The following RIMS2 variants were observed in gnomAD, a reference collection of about 807,000 sequenced individuals.
The protein encoded by RIMS2 is regulating synaptic membrane exocytosis 2.
Under a neutral mutation model 174.4 loss-of-function variants are expected in RIMS2, and 59 were observed. That is an observed-to-expected ratio of 0.34 (90% CI 0.27 to 0.42). RIMS2 has a LOEUF of 0.42. Ranked by LOEUF, RIMS2 falls within the 10% of genes least tolerant of loss-of-function variation. The pLI is 1.00. For synonymous variants in RIMS2, 606 were observed against 572.5 expected, an observed-to-expected ratio of 1.06 and a Z score of -0.84; for missense variants, 1,620 against 1,666.3, an observed-to-expected ratio of 0.97 and a Z score of 0.48.
intron 3 of RIMS2, among the ~76,000 whole-genome samples, chr8:103,797,932 C>T (rs894795747): frequency 6.6e-6 from 1 of 152,006 alleles, no homozygotes; most frequent in African/African-American, 2.4e-5. Context: ...CAAAAGTATC[C>T]TGGGGTTGAC....
At chr8:103,629,884 A>T (rs1191383046) in intron 1 of RIMS2, among the ~76,000 whole-genome samples, 1 of 152,118 alleles carries the variant, frequency 6.6e-6, no homozygotes, top group Non-Finnish European at 1.5e-5. Context: ...TAACAAATGA[A>T]CCATCTTGGA....
chr8:103,659,847 A>C (rs2096575922), intron 1 of RIMS2, among the ~76,000 whole-genome samples: 1 of 152,228 alleles, frequency 6.6e-6, no homozygotes, highest in Non-Finnish European at 1.5e-5. Context: ...CCAAAAAATC[A>C]ACAAGTTGTA....
chr8:103,581,622 C>A (rs1360089526), intron 1 of RIMS2, among the ~76,000 whole-genome samples: 1 of 152,050 alleles, frequency 6.6e-6, no homozygotes, highest in Non-Finnish European at 1.5e-5. Context: ...AAGTCCTGGC[C>A]AGAGCAATTA....
At chr8:104,228,753 C>G (rs1268189959) in intron 19 of RIMS2, among the ~76,000 whole-genome samples, 1 of 152,170 alleles carries the variant, frequency 6.6e-6, no homozygotes, top group Non-Finnish European at 1.5e-5. Context: ...CATGGATAGA[C>G]AGTTACTATG....
intron 3 of RIMS2, among the ~76,000 whole-genome samples, chr8:103,815,552 T>C (rs560468078): frequency 2.0e-5 from 3 of 152,318 alleles, no homozygotes; most frequent in Non-Finnish European, 2.9e-5. Flanking sequence ...TAATAGTTAA[T>C]GTCTCTCTGC....
chr8:103,715,333 G>GC (rs1008995667), intron 2 of RIMS2, among the ~76,000 whole-genome samples: 2 of 151,828 alleles, frequency 1.3e-5, no homozygotes, highest in African/African-American at 4.8e-5. Flanking sequence ...CCTACTGCCT[G>GC]CCCCCGACCA....
At chr8:104,021,349 A>G (rs2096081494) in intron 19 of RIMS2, among the ~76,000 whole-genome samples, 1 of 152,194 alleles carries the variant, frequency 6.6e-6, no homozygotes, top group Non-Finnish European at 1.5e-5. Flanking sequence ...ATAAACATTT[A>G]AATGACTTCT....
chr8:104,060,206 CT>C (rs1280700455), intron 19 of RIMS2, among the ~76,000 whole-genome samples: 1 of 149,426 alleles, frequency 6.7e-6, no homozygotes, highest in Admixed American at 6.7e-5. Context: ...GTCCTGGACT[CT>C]TTTTGGTTGG....
chr8:104,060,207 T>C (rs993648636), intron 19 of RIMS2, among the ~76,000 whole-genome samples: 8 of 151,578 alleles, frequency 5.3e-5, no homozygotes, highest in African/African-American at 1.7e-4. Flanking sequence ...TCCTGGACTC[T>C]TTTTGGTTGG....
At chr8:103,583,969 T>TTA (rs988798043) in intron 1 of RIMS2, among the ~76,000 whole-genome samples, 60 of 152,076 alleles carry the variant, frequency 3.9e-4, no homozygotes, top group African/African-American at 1.4e-3. Flanking sequence ...TACAAGAAGG[T>TTA]TATAGAACTA....
At chr8:103,590,816 C>G (rs2094215969) in intron 1 of RIMS2, among the ~76,000 whole-genome samples, 1 of 151,098 alleles carries the variant, frequency 6.6e-6, no homozygotes, top group Admixed American at 6.6e-5. Context: ...TTGAATGTAT[C>G]AGATAAATTT....
intron 1 of RIMS2, among the ~76,000 whole-genome samples, chr8:103,688,273 A>G (rs375623308): frequency 9.0e-4 from 137 of 152,126 alleles, no homozygotes; most frequent in African/African-American, 3.2e-3. Context: ...TATTTCTTGT[A>G]TACCTAATTT....
chr8:104,223,822 G>C, intron 19 of RIMS2: 19 of 1,572,762 alleles, frequency 1.2e-5, no homozygotes, highest in Non-Finnish European at 1.6e-5. Context: ...CGTAGTTGGT[G>C]TCTCTATCTG....
chr8:103,769,706 G>A (rs2098227664), intron 3 of RIMS2, among the ~76,000 whole-genome samples: 1 of 152,194 alleles, frequency 6.6e-6, no homozygotes, highest in Admixed American at 6.5e-5. Context: ...TCACTCACAA[G>A]TACTGGCCTG....
intron 1 of RIMS2, among the ~76,000 whole-genome samples, chr8:103,514,900 AAAC>A (rs760555689): frequency 2.7e-5 from 4 of 149,918 alleles, no homozygotes; most frequent in East Asian, 3.9e-4. Context: ...TCTGTCTCAA[AAAC>A]AACAACAACA....
At chr8:103,658,011 C>T (rs2136000919) in intron 1 of RIMS2, among the ~76,000 whole-genome samples, 1 of 152,320 alleles carries the variant, frequency 6.6e-6, no homozygotes, top group African/African-American at 2.4e-5. Flanking sequence ...CATTTGTTCA[C>T]AACTCCGATA....
At chr8:103,824,041 A>C (rs1023575819) in intron 3 of RIMS2, among the ~76,000 whole-genome samples, 1 of 152,110 alleles carries the variant, frequency 6.6e-6, no homozygotes, top group African/African-American at 2.4e-5. Flanking sequence ...TTTCTAATCA[A>C]AATGGCTTTT....
chr8:104,109,852 T>C (rs956635770), intron 19 of RIMS2, among the ~76,000 whole-genome samples: 1 of 152,186 alleles, frequency 6.6e-6, no homozygotes, highest in Non-Finnish European at 1.5e-5. Context: ...CATAGTTTGA[T>C]ATGGTTGACC....
At chr8:103,900,970 C>A (rs1296566681) in intron 4 of RIMS2, among the ~76,000 whole-genome samples, 3 of 152,012 alleles carry the variant, frequency 2.0e-5, no homozygotes, top group Non-Finnish European at 2.9e-5. Flanking sequence ...CTGTCTTGCC[C>A]CCAGGGACGC....
Sources: gnomAD v4.1 joint callset for allele counts (sites outside exome capture counted in the v4.1 genomes callset) on GRCh38, gnomAD v4.1.1 for gene constraint, MANE v1.5 for transcripts, NCBI Gene and HGNC (gene_info 2026-07-23, HGNC 2026-07-21) for gene names.